ANKRD11: variants seen among roughly 807,000 people sequenced by gnomAD.
ANKRD11 encodes the protein ankyrin repeat domain 11.
In ANKRD11, 17 loss-of-function variants were observed where a neutral mutation model predicts 195.7. The ratio of observed to expected loss-of-function variants is 0.09; its 90% CI spans 0.06 to 0.13. ANKRD11 has a LOEUF of 0.13. Ranked by LOEUF, ANKRD11 falls within the 10% of genes least tolerant of loss-of-function variation. The pLI is 1.00. For synonymous variants in ANKRD11, 1,953 were observed against 1,528.1 expected (o/e 1.28, Z -6.49); for missense variants, 3,735 against 3,566.1 (o/e 1.05, Z -1.21).
intron 1 of ANKRD11, among the ~76,000 whole-genome samples, chr16:89,446,231 G>A (rs1260744405): frequency 3.9e-5 from 6 of 152,102 alleles, no homozygotes; most frequent in Non-Finnish European, 7.4e-5. Flanking sequence ...ACAGAGTGTC[G>A]AGAACAAGAA....
At chr16:89,417,861 G>C (rs191931622) in intron 2 of ANKRD11, among the ~76,000 whole-genome samples, 3 of 151,212 alleles carry the variant, frequency 2.0e-5, no homozygotes, top group African/African-American at 7.3e-5. Flanking sequence ...GGATCCTAAC[G>C]AGCAGAACAG....
intron 3 of ANKRD11, among the ~76,000 whole-genome samples, chr16:89,315,483 G>A (rs930920328): frequency 1.3e-5 from 2 of 152,170 alleles, no homozygotes; most frequent in Non-Finnish European, 2.9e-5. Flanking sequence ...AGCTCAGCAG[G>A]ACACGCCCAT....
rs372883056 is a variant in ANKRD11, at chr16:89,401,836, A to G, written c.-60+16448T>C. Among the ~76,000 whole-genome samples the G allele has an allele frequency of 7.0e-4, 106 of 152,284 alleles. 1 individual carries two copies. In the East Asian group the frequency reaches 0.017, roughly 25 times the overall value. On this transcript the variant is annotated intron_variant, in intron 2 of 12. Transcript: ENST00000301030. ...AGGCGGAGATCGTGGTGATGCGTCT[A>G]CAAGCCCGGGCGCACCAGAGACTCC... is the stretch of plus-strand genomic sequence containing the variant.
At position 89,470,063 on chromosome 16, in the gene ANKRD11, G is replaced by A. The variant is rs372306810; in HGVS notation, c.-145+20182C>T. Among the ~76,000 whole-genome samples the A allele has an allele frequency of 7.9e-5, 12 of 151,032 alleles. No homozygotes were observed. In the South Asian group the frequency reaches 1.3e-3, roughly 16 times the overall value. The stretch of plus-strand genomic sequence containing the variant: ...TGGGACTACAGGCGCCCGCCACCAC[G>A]CCCGGCTAATTTTTTTGTATTTTTA... On this transcript the variant is annotated intron_variant, in intron 1 of 12. Transcript: ENST00000301030.
chr16:89,457,787 T>C (rs562174274), intron 1 of ANKRD11, among the ~76,000 whole-genome samples: 1 of 152,254 alleles, frequency 6.6e-6, no homozygotes, highest in East Asian at 1.9e-4. Flanking sequence ...AAACTCATCC[T>C]ACTGTACCTT....
rs1289430140 is a variant in ANKRD11 at position 89,282,005 on chromosome 16, C to G, written c.4537G>C (p.Val1513Leu). ...TCGTCCCTGGACTTGTCTTTGAGCA[C>G]GCGGGGCGGGCTGTCCTTGTCCCTG... is the stretch of plus-strand genomic sequence containing the variant. ...ATRDKDSPPRVLKDKSRDEGP... is the reference protein window; with the variant it reads ...ATRDKDSPPRLLKDKSRDEGP... Residue 1513 changes from valine (V) to leucine (L), a missense_variant, in exon 9 of 13, where the codon GTG becomes CTG. Val to Leu is a conservative substitution (Grantham distance 32, BLOSUM62 1). Transcript: ENST00000301030. 1 of 1,613,192 alleles carries G rather than the reference C, an allele frequency of 6.2e-7. No individual in the cohort carries two copies. The highest frequency in any genetic ancestry group is 8.5e-7 in the Non-Finnish European group (1 of 1,180,050).
intron 2 of ANKRD11, among the ~76,000 whole-genome samples, chr16:89,397,466 C>A (rs1056774662): frequency 1.3e-5 from 2 of 152,264 alleles, no homozygotes; most frequent in South Asian, 4.1e-4. Flanking sequence ...GGGGGACCCA[C>A]AGGAAGCAGG....
At chr16:89,342,222 G>C (rs117646297) in intron 2 of ANKRD11, among the ~76,000 whole-genome samples, 9 of 152,264 alleles carry the variant, frequency 5.9e-5, no homozygotes, top group African/African-American at 2.2e-4. Flanking sequence ...GAGAGAAAAA[G>C]ATGAGGTCAA....
chr16:89,409,368 G>C (rs146210586), intron 2 of ANKRD11, among the ~76,000 whole-genome samples: 7 of 152,332 alleles, frequency 4.6e-5, no homozygotes, highest in African/African-American at 1.2e-4. Flanking sequence ...AACAGGGGTG[G>C]GGTGGGAAGG....
intron 11 of ANKRD11, 77 bp from the exon 12 acceptor site, chr16:89,270,986 C>G: frequency 1.5e-6 from 2 of 1,366,442 alleles, no homozygotes; most frequent in Non-Finnish European, 2.1e-6. Flanking sequence ...CTGGGCGATG[C>G]TGCAGTGACC....
At chr16:89,362,334 T>G (rs2039766490) in intron 2 of ANKRD11, among the ~76,000 whole-genome samples, 1 of 152,178 alleles carries the variant, frequency 6.6e-6, no homozygotes, top group African/African-American at 2.4e-5. Flanking sequence ...TCACGACACC[T>G]TGCACAGCCC....
At chr16:89,460,252 C>CA (rs2056605413) in intron 1 of ANKRD11, among the ~76,000 whole-genome samples, 2 of 151,506 alleles carry the variant, frequency 1.3e-5, no homozygotes, top group East Asian at 1.9e-4. Context: ...ACAACAAGAA[C>CA]AAAAAACATT....
At chr16:89,347,293 T>C (rs1464726267) in intron 2 of ANKRD11, among the ~76,000 whole-genome samples, 1 of 152,166 alleles carries the variant, frequency 6.6e-6, no homozygotes, top group Non-Finnish European at 1.5e-5. Context: ...TGTATGTGTG[T>C]ACGTGAACAT....
At chr16:89,320,482 G>A (rs749282413) in intron 2 of ANKRD11, 8 of 152,274 alleles carry the variant, frequency 5.3e-5, no homozygotes, top group African/African-American at 1.9e-4. Flanking sequence ...GCCGCGGGAA[G>A]GTAAACGCAG....
chr16:89,402,450 C>T (rs1328231186), intron 2 of ANKRD11, among the ~76,000 whole-genome samples: 2 of 151,958 alleles, frequency 1.3e-5, no homozygotes, highest in African/African-American at 4.8e-5. Flanking sequence ...GAAGCCGAGG[C>T]GGGAAGATCG....
chr16:89,461,182 C>G (rs1223264608), intron 1 of ANKRD11, among the ~76,000 whole-genome samples: 1 of 10,962 alleles, frequency 9.1e-5, no homozygotes, highest in East Asian at 5.6e-3. Context: ...ATCGTATGAC[C>G]CCCCCCCCCC....
chr16:89,419,178 A>G (rs1173268970), intron 1 of ANKRD11, among the ~76,000 whole-genome samples: 2 of 152,112 alleles, frequency 1.3e-5, no homozygotes, highest in East Asian at 1.9e-4. Flanking sequence ...AAAGCCATGC[A>G]TGGTGGCTCA....
intron 2 of ANKRD11, chr16:89,324,305 G>A: frequency 2.4e-6 from 3 of 1,271,954 alleles, no homozygotes; most frequent in Non-Finnish European, 3.1e-6. Context: ...CCACCCGACA[G>A]GAGCACGGAC....
At position 89,305,193 on chromosome 16, in the gene ANKRD11, C is replaced by A. The variant is rs376558558; in HGVS notation, c.226+13G>T. On this transcript the variant is annotated intron_variant, in intron 4 of 12. Coordinates refer to ENST00000301030, the MANE Select transcript of ANKRD11 (RefSeq NM_013275.6). ...GTGGAGGGCTGACTGCAGGAGGGGC[C>A]GCGGGCTGGTACCTGTGTCCGAGTC... The A allele has an allele frequency of 1.9e-6, 3 of 1,609,744 alleles. No homozygotes were observed. Among genetic ancestry groups the A allele is most frequent in the Non-Finnish European group, 2.5e-6 (3 of 1,179,342 alleles).
Sources: gnomAD v4.1 joint callset for allele counts (sites outside exome capture counted in the v4.1 genomes callset) on GRCh38, gnomAD v4.1.1 for gene constraint, MANE v1.5 for transcripts, NCBI Gene and HGNC (gene_info 2026-07-23, HGNC 2026-07-21) for gene names.